The following CDHR2 variants were observed in gnomAD, a reference collection of about 807,000 sequenced individuals.
CDHR2 encodes cadherin related family member 2, also known as cadherin-related family member 2.
CDHR2 carries 104 observed loss-of-function variants against 138.6 expected under a neutral mutation model. The observed-to-expected ratio is 0.75, with a 90% CI of 0.64 to 0.88. The LOEUF is 0.88. CDHR2 is among the 40% of genes least tolerant of loss of function. The pLI is 0.00. For synonymous variants in CDHR2, 755 were observed against 742.8 expected (o/e 1.02, Z -0.27); for missense variants, 1,624 against 1,727.6 (o/e 0.94, Z 1.06).
intron 25 of CDHR2, 36 bp from the exon 26 acceptor site, chr5:176,590,217 C>T: frequency 1.2e-6 from 2 of 1,613,104 alleles, no homozygotes; most frequent in Non-Finnish European, 1.7e-6. Context: ...GCTGGGTGAT[C>T]CAGGCTCCTG....
chr5:176,552,802 A>G (rs1297542647), intron 1 of CDHR2, among the ~76,000 whole-genome samples: 2 of 152,198 alleles, frequency 1.3e-5, no homozygotes, highest in African/African-American at 4.8e-5. Context: ...GGAGGCAGAC[A>G]GGGTGGCACC....
intron 28 of CDHR2, 84 bp from the exon 29 acceptor site, chr5:176,591,126 T>C (rs962134617): frequency 2.2e-6 from 2 of 903,954 alleles, no homozygotes; most frequent in East Asian, 2.5e-5. Context: ...TCCCGGGATC[T>C]TGTGAAGCCA....
chr5:176,546,098 G>C (rs2113239607), upstream of CDHR2, among the ~76,000 whole-genome samples: 1 of 152,344 alleles, frequency 6.6e-6, no homozygotes, highest in South Asian at 2.1e-4. Context: ...GCAGAGCGGG[G>C]AGCCTGGAGC....
chr5:176,557,363 G>T (rs570346668), intron 1 of CDHR2, among the ~76,000 whole-genome samples: 2 of 151,830 alleles, frequency 1.3e-5, no homozygotes, highest in African/African-American at 2.4e-5. Flanking sequence ...GTGCCACTAC[G>T]CTGGCCTAAT....
Position 176,592,763 on chromosome 5 carries a change from A to C in CDHR2, c.3775A>C (p.Asn1259His). Residue 1259 changes from asparagine to histidine, a missense_variant, in exon 31 of 32, where the codon AAC becomes CAC. Asn to His is a moderately conservative substitution (Grantham distance 68, BLOSUM62 1). Transcript: ENST00000261944. ...CGACAACTCTGTGGATGTGGACAAG[A>C]ACAGTCAGGAAATCAAGGCAAGATG... ...LDDNSVDVDK[N>H]SQEIKEHRPP... 6.2e-7 allele frequency: 1 copy of C among 1,613,856 alleles called. No homozygotes were observed. Among genetic ancestry groups the C allele is most frequent in the East Asian group, 2.2e-5 (1 of 44,880 alleles).
chr5:176,550,064 C>A (rs1757672199), intron 1 of CDHR2, among the ~76,000 whole-genome samples: 1 of 152,162 alleles, frequency 6.6e-6, no homozygotes. Flanking sequence ...AGGTGGTGAC[C>A]CAGCTGAGAG....
At chr5:176,558,254 C>A (rs1028743516) in intron 1 of CDHR2, among the ~76,000 whole-genome samples, 2 of 147,840 alleles carry the variant, frequency 1.4e-5, no homozygotes, top group Non-Finnish European at 3.0e-5. Flanking sequence ...CTCACTCTGT[C>A]GCCCAGGCTG....
chr5:176,588,701 CTGTGTG>C (rs1317419827), intron 21 of CDHR2, among the ~76,000 whole-genome samples: 1 of 118,678 alleles, frequency 8.4e-6, no homozygotes, highest in African/African-American at 3.3e-5. Context: ...GTGAGAGAGA[CTGTGTG>C]TGTGAGTGTG....
rs776916587 is a variant in CDHR2, at chr5:176,595,647, C to A, written c.3908C>A (p.Ala1303Asp). ...CTGGAGGGGCCATCCTACACCAACG[C>A]TGGCCTGGACACCACGGACCTGTGA... Reference protein sequence around the residue: ...GQLEGPSYTNAGLDTTDL With the variant: ...GQLEGPSYTNDGLDTTDL The change falls in exon 32 of 32, where the codon GCT becomes GAT. Residue 1303 changes from alanine to aspartate, a missense_variant. Coordinates refer to ENST00000261944, the MANE Select transcript of CDHR2 (RefSeq NM_017675.6). The A allele has an allele frequency of 1.2e-6, 2 of 1,607,030 alleles. No homozygotes were observed. The highest frequency in any genetic ancestry group is 2.2e-5 in the South Asian group (2 of 90,342).
chr5:176,591,346 G>T, intron 29 of CDHR2, 23 bp downstream of exon 29: 1 of 1,610,918 alleles, frequency 6.2e-7, no homozygotes, highest in Non-Finnish European at 8.5e-7. Context: ...CAAAGGGTAG[G>T]TAAGAGGCCT....
rs755267325 is a variant in CDHR2, at chr5:176,575,709, C to T, written c.845-15C>T. 77 of 1,588,790 alleles carry T rather than the reference C, an allele frequency of 4.8e-5. No individual in the cohort carries two copies. The highest frequency in any genetic ancestry group is 7.2e-5 in the Admixed American group (4 of 55,440). ...GGAGCAGCTGTTCCAGCTGTTCCGC[C>T]TTTCTCCTTGCCAGACTCCACGCGG... On this transcript the variant is annotated splice_polypyrimidine_tract_variant and intron_variant, in intron 10 of 31. Coordinates refer to ENST00000261944, the MANE Select transcript of CDHR2 (RefSeq NM_017675.6).
chr5:176,566,341 G>T (rs931197559), intron 3 of CDHR2, among the ~76,000 whole-genome samples: 1 of 152,202 alleles, frequency 6.6e-6, no homozygotes, highest in Non-Finnish European at 1.5e-5. Context: ...CACAGCAAAG[G>T]TCATGGCAGC....
rs202071757 is a variant in CDHR2 at position 176,584,428 on chromosome 5, T to C, written c.2147T>C (p.Val716Ala). 86 of 1,598,924 alleles carry C rather than the reference T, an allele frequency of 5.4e-5. No homozygotes were observed. The South Asian group carries it at 9.5e-4, about 18-fold the overall frequency. Residue 716 changes from valine to alanine, a missense_variant, in exon 19 of 32, where the codon GTG becomes GCG. Val to Ala is a moderately conservative substitution (Grantham distance 64). Coordinates refer to ENST00000261944, the MANE Select transcript of CDHR2 (RefSeq NM_017675.6). ...EEDPGVLVGV[V>A]KAWDADQTEA... ...TCCACAGGAGTGCTAGTGGGCGTGG[T>C]GAAGGCCTGGGACGCGGACCAGACG...
intron 31 of CDHR2, among the ~76,000 whole-genome samples, chr5:176,594,058 C>T (rs114403003): frequency 0.023 from 3,526 of 152,224 alleles, 140 homozygotes; most frequent in African/African-American, 0.08. Context: ...CTGCTCCTAA[C>T]CCAAGGGAGT....
intron 6 of CDHR2, 65 bp downstream of exon 6, chr5:176,571,367 G>A: frequency 8.1e-7 from 1 of 1,231,524 alleles, no homozygotes; most frequent in Non-Finnish European, 1.1e-6. Context: ...AGAGTAGGAA[G>A]AGCCAGAGAC....
chr5:176,571,309 C>A lies in CDHR2; in HGVS notation c.405+7C>A. ...CTCCACCAGCATCAACGAGGTGACA[C>A]CTGCCTTAATGTGGTTGTGGGGCAG... On this transcript the variant is annotated splice_region_variant and intron_variant, in intron 6 of 31. Transcript: ENST00000261944. 1.9e-6 allele frequency: 3 copies of A among 1,600,766 alleles called. No homozygotes were observed. The highest frequency in any genetic ancestry group is 2.6e-6 in the Non-Finnish European group (3 of 1,173,032).
chr5:176,586,132 G>A, intron 20 of CDHR2, 107 bp downstream of exon 20: 1 of 807,924 alleles, frequency 1.2e-6, no homozygotes, highest in Non-Finnish European at 2.1e-6. Context: ...TAGAAAGGGG[G>A]GAAGGCCTCT....
intron 1 of CDHR2, among the ~76,000 whole-genome samples, chr5:176,560,468 C>T (rs1380030276): frequency 6.6e-6 from 1 of 151,862 alleles, no homozygotes; most frequent in South Asian, 2.1e-4. Context: ...GGGGAGCAGA[C>T]ATAGTCCTCA....
chr5:176,577,112 G>A (rs1310116823), intron 12 of CDHR2, among the ~76,000 whole-genome samples: 13 of 146,056 alleles, frequency 8.9e-5, no homozygotes, highest in Non-Finnish European at 1.4e-4. Flanking sequence ...TGGGGGATGT[G>A]AAGGGTGGGT....
Sources: allele counts gnomAD v4.1 joint callset (sites outside exome capture counted in the v4.1 genomes callset), GRCh38; gene constraint gnomAD v4.1.1; transcripts MANE v1.5; gene names NCBI Gene and HGNC (gene_info 2026-07-23, HGNC 2026-07-21).